CAST: variants seen among roughly 807,000 people sequenced by gnomAD.
CAST encodes calpastatin, also known as MIR583 host.
Under a neutral mutation model 119.6 loss-of-function variants are expected in CAST, and 76 were observed. That is an observed-to-expected ratio of 0.64 (90% CI 0.53 to 0.77). The LOEUF (loss-of-function observed/expected upper bound fraction) is 0.77, where lower values mean the gene tolerates loss of function less well. CAST is among the 30% of genes least tolerant of loss of function. The pLI is 0.00. For synonymous variants in CAST, 319 were observed against 331.6 expected (o/e 0.96, Z 0.41); for missense variants, 953 against 946.5 (o/e 1.01, Z -0.09).
intron 27 of CAST, among the ~76,000 whole-genome samples, chr5:96,766,728 C>CT (rs1330418490): frequency 6.6e-6 from 1 of 152,212 alleles, no homozygotes; most frequent in Non-Finnish European, 1.5e-5. Flanking sequence ...TCCCCCACCT[C>CT]TTTCCTATTT....
At chr5:96,593,323 C>T (rs915072117) in intron 1 of CAST, among the ~76,000 whole-genome samples, 30 of 152,166 alleles carry the variant, frequency 2.0e-4, no homozygotes, top group African/African-American at 5.8e-4. Flanking sequence ...CATCTTGTGA[C>T]GTGTTCTCTA....
intron 1 of CAST, among the ~76,000 whole-genome samples, chr5:96,558,548 T>C (rs1044406273): frequency 2.0e-5 from 3 of 152,086 alleles, no homozygotes; most frequent in African/African-American, 7.2e-5. Context: ...CCCACAGAAA[T>C]ACAAACTACC....
the CAST span, among the ~76,000 whole-genome samples, chr5:96,082,656 C>T: frequency 1.3e-5 from 2 of 152,118 alleles, no homozygotes; most frequent in African/African-American, 2.4e-5. Flanking sequence ...ATTAGTTATA[C>T]ATTTTTTTTA....
the CAST span, among the ~76,000 whole-genome samples, chr5:95,967,688 C>T: frequency 2.0e-5 from 3 of 152,094 alleles, no homozygotes; most frequent in East Asian, 1.9e-4. Context: ...TGAAGAAGGA[C>T]GTGTTTGCTT....
chr5:96,093,564 G>A, the CAST span, among the ~76,000 whole-genome samples: 2 of 152,206 alleles, frequency 1.3e-5, no homozygotes, highest in Non-Finnish European at 2.9e-5. Context: ...CCTTAGAAGT[G>A]TGATAAAAGA....
chr5:96,703,113 T>G (rs77791280), intron 3 of CAST, among the ~76,000 whole-genome samples: 9,099 of 152,158 alleles, frequency 0.06, 578 homozygotes, highest in East Asian at 0.2. Flanking sequence ...TCTTGGCGAC[T>G]CCTCCTCCTT....
At chr5:96,336,604 G>A in the CAST span, among the ~76,000 whole-genome samples, 531 of 152,338 alleles carry the variant, frequency 3.5e-3, 3 homozygotes, top group African/African-American at 0.012. Context: ...ATTGGAAGGA[G>A]CACATCAAAC....
chr5:96,191,179 G>T, the CAST span, among the ~76,000 whole-genome samples: 2 of 152,184 alleles, frequency 1.3e-5, no homozygotes, highest in Non-Finnish European at 2.9e-5. Flanking sequence ...TTTAGCATGT[G>T]CTAAAGGAAA....
chr5:96,755,994 AGT>A (rs1766232799), intron 22 of CAST, among the ~76,000 whole-genome samples: 1 of 152,180 alleles, frequency 6.6e-6, no homozygotes, highest in African/African-American at 2.4e-5. Context: ...ATTTAGTAGT[AGT>A]GTTTAAGGAA....
At chr5:96,026,003 C>T in the CAST span, among the ~76,000 whole-genome samples, 1 of 152,156 alleles carries the variant, frequency 6.6e-6, no homozygotes, top group Non-Finnish European at 1.5e-5. Flanking sequence ...GAGGCCAAGA[C>T]AAGTGGATTG....
intron 3 of CAST, among the ~76,000 whole-genome samples, chr5:96,703,364 T>C (rs1016909553): frequency 1.3e-5 from 2 of 152,166 alleles, no homozygotes; most frequent in Non-Finnish European, 2.9e-5. Flanking sequence ...ATGACCTCCG[T>C]TTTAGAGCGT....
At chr5:96,062,858 C>T in the CAST span, among the ~76,000 whole-genome samples, 1 of 152,020 alleles carries the variant, frequency 6.6e-6, no homozygotes, top group Non-Finnish European at 1.5e-5. Context: ...CTGGGTCACC[C>T]CCCAAGTTAA....
the CAST span, among the ~76,000 whole-genome samples, chr5:96,398,221 T>C: frequency 6.6e-6 from 1 of 152,182 alleles, no homozygotes; most frequent in Non-Finnish European, 1.5e-5. Context: ...AGGAAGATCA[T>C]AGAGATAGCT....
intron 3 of CAST, chr5:96,703,061 C>G (rs1754192461): frequency 6.4e-6 from 3 of 471,482 alleles, no homozygotes; most frequent in Non-Finnish European, 8.3e-6. Context: ...TTCCTACTAT[C>G]GCGACCCTGG....
At chr5:96,313,015 G>T in the CAST span, among the ~76,000 whole-genome samples, 1 of 152,056 alleles carries the variant, frequency 6.6e-6, no homozygotes, top group Non-Finnish European at 1.5e-5. Context: ...GCTGAAAATG[G>T]TTGATTGACG....
chr5:96,200,304 C>T, the CAST span, among the ~76,000 whole-genome samples: 12 of 152,190 alleles, frequency 7.9e-5, no homozygotes, highest in African/African-American at 2.6e-4. Context: ...AGTAGATGTC[C>T]TCCTCTCTAT....
At chr5:96,132,805 T>C in the CAST span, among the ~76,000 whole-genome samples, 1 of 152,048 alleles carries the variant, frequency 6.6e-6, no homozygotes, top group Non-Finnish European at 1.5e-5. Flanking sequence ...TGAAGGAAAA[T>C]ATGTCCCAGC....
rs1326765835 is a variant in CAST, at chr5:96,741,476, T to G, written c.1012-18T>G. ...TTTCCTCATCTGTAAGTCTAATCTT[T>G]TGTATTTTGTTTTTCAGGAATCTAC... On this transcript the variant is annotated intron_variant, in intron 14 of 31. Coordinates refer to ENST00000675179, the MANE Select transcript of CAST (RefSeq NM_001750.7). 8.2e-6 allele frequency: 13 copies of G among 1,593,068 alleles called. No homozygotes were observed. Among genetic ancestry groups the G allele is most frequent in the Non-Finnish European group, 1.1e-5 (13 of 1,161,590 alleles).
chr5:96,207,095 C>T, the CAST span, among the ~76,000 whole-genome samples: 9 of 151,928 alleles, frequency 5.9e-5, no homozygotes, highest in Admixed American at 2.0e-4. Flanking sequence ...TGATTTGGCC[C>T]TCAGCTTGGA....
Sources: allele counts gnomAD v4.1 joint callset (sites outside exome capture counted in the v4.1 genomes callset), GRCh38; gene constraint gnomAD v4.1.1; transcripts MANE v1.5; gene names NCBI Gene and HGNC (gene_info 2026-07-23, HGNC 2026-07-21).